HS6ST3: variants seen among roughly 807,000 people sequenced by gnomAD.
HS6ST3 encodes the protein heparan-sulfate 6-O-sulfotransferase 3.
HS6ST3 carries 12 observed loss-of-function variants against 36.7 expected under a neutral mutation model. The observed-to-expected ratio is 0.33, with a 90% CI of 0.21 to 0.53. The LOEUF is 0.53. Among genes scored for constraint, HS6ST3 ranks in the 20% least tolerant of loss-of-function variants. The probability of loss-of-function intolerance (pLI) is 0.95; values close to 1 mark genes in which losing one functional copy is unlikely to be tolerated. For missense variants in HS6ST3, 584 were observed against 640.9 expected (o/e 0.91, Z 0.96); for synonymous variants, 240 against 257.5 (o/e 0.93, Z 0.65).
intron 1 of HS6ST3, among the ~76,000 whole-genome samples, chr13:96,357,807 C>T (rs1208288688): frequency 6.6e-6 from 1 of 152,116 alleles, no homozygotes; most frequent in Non-Finnish European, 1.5e-5. Flanking sequence ...CAGACGTGAG[C>T]CATTGCAGCT....
chr13:96,602,545 A>C (rs759299794), intron 1 of HS6ST3, among the ~76,000 whole-genome samples: 2 of 152,186 alleles, frequency 1.3e-5, no homozygotes, highest in Non-Finnish European at 2.9e-5. Flanking sequence ...GTGCAGCACT[A>C]TCAGAAGCCT....
At chr13:96,505,686 T>A (rs2056023383) in intron 1 of HS6ST3, among the ~76,000 whole-genome samples, 1 of 152,146 alleles carries the variant, frequency 6.6e-6, no homozygotes, top group African/African-American at 2.4e-5. Flanking sequence ...TTCTAGTTAT[T>A]TGATGAAGGA....
intron 1 of HS6ST3, among the ~76,000 whole-genome samples, chr13:96,432,972 C>T (rs1312428080): frequency 6.6e-6 from 1 of 152,110 alleles, no homozygotes; most frequent in Non-Finnish European, 1.5e-5. Context: ...TGGTAATTTT[C>T]CCTCTCATCT....
chr13:96,712,403 A>G (rs1875583048), intron 1 of HS6ST3, among the ~76,000 whole-genome samples: 1 of 152,176 alleles, frequency 6.6e-6, no homozygotes, highest in South Asian at 2.1e-4. Context: ...GAGCTATGGA[A>G]TGAGTTTCAT....
chr13:96,435,604 G>A (rs1317823108), intron 1 of HS6ST3, among the ~76,000 whole-genome samples: 6 of 152,136 alleles, frequency 3.9e-5, no homozygotes, highest in South Asian at 4.1e-4. Context: ...GAAGGGGAGC[G>A]ACAAGCATAG....
chr13:96,274,588 G>A (rs1406893241), intron 1 of HS6ST3, among the ~76,000 whole-genome samples: 3 of 151,844 alleles, frequency 2.0e-5, no homozygotes, highest in Non-Finnish European at 4.4e-5. Flanking sequence ...TATTTTCTTT[G>A]GTGATTTCTT....
intron 1 of HS6ST3, among the ~76,000 whole-genome samples, chr13:96,641,388 G>A (rs1457062342): frequency 6.6e-6 from 1 of 151,376 alleles, no homozygotes; most frequent in East Asian, 1.9e-4. Context: ...TTTTTATACT[G>A]GAGTTATTTA....
chr13:96,266,370 T>G (rs1343686515), intron 1 of HS6ST3, among the ~76,000 whole-genome samples: 1 of 152,136 alleles, frequency 6.6e-6, no homozygotes, highest in Non-Finnish European at 1.5e-5. Context: ...AAAGGGAATG[T>G]GAGGTTGGGT....
chr13:96,252,605 G>A (rs1206915713), intron 1 of HS6ST3, among the ~76,000 whole-genome samples: 9 of 152,254 alleles, frequency 5.9e-5, no homozygotes, highest in South Asian at 4.1e-4. Context: ...GCTCAGATAC[G>A]CACTTTTGTT....
intron 1 of HS6ST3, among the ~76,000 whole-genome samples, chr13:96,241,733 G>A (rs2054561139): frequency 6.7e-6 from 1 of 148,858 alleles, no homozygotes; most frequent in Non-Finnish European, 1.5e-5. Context: ...AAGTAGAACA[G>A]AATTATGAGC....
At chr13:96,781,265 G>A (rs1566452259) in intron 1 of HS6ST3, among the ~76,000 whole-genome samples, 3 of 152,186 alleles carry the variant, frequency 2.0e-5, no homozygotes, top group African/African-American at 7.2e-5. Context: ...GTGTGAATTA[G>A]GGAAAGGCAC....
At chr13:96,316,924 CT>C (rs1198402059) in intron 1 of HS6ST3, among the ~76,000 whole-genome samples, 12 of 152,222 alleles carry the variant, frequency 7.9e-5, no homozygotes, top group African/African-American at 2.9e-4. Context: ...CTATAAGCGC[CT>C]TCCACACTGA....
intron 1 of HS6ST3, among the ~76,000 whole-genome samples, chr13:96,431,265 A>AAAT (rs1566359246): frequency 0.01 from 1,513 of 148,554 alleles, 33 homozygotes; most frequent in African/African-American, 0.038. Flanking sequence ...CAAATAAACC[A>AAAT]AAACCAAAAC....
chr13:96,127,234 A>G (rs986968514), intron 1 of HS6ST3, among the ~76,000 whole-genome samples: 2 of 152,144 alleles, frequency 1.3e-5, no homozygotes, highest in Non-Finnish European at 2.9e-5. Flanking sequence ...CCATTCTTCT[A>G]TGTCAGTGGT....
chr13:96,393,279 G>T (rs1044085148), intron 1 of HS6ST3, among the ~76,000 whole-genome samples: 2 of 152,164 alleles, frequency 1.3e-5, no homozygotes, highest in Non-Finnish European at 2.9e-5. Context: ...TGGGCTTGCT[G>T]TGTGAAGAAT....
rs1186375363 is a variant in HS6ST3, at chr13:96,091,122, C to T, written c.260C>T (p.Ala87Val). Residue 87 changes from alanine (A) to valine (V), a missense_variant, in exon 1 of 2, where the codon GCG (alanine) becomes GTG (valine). Transcript: ENST00000376705. ...GPPEGPRGAA[A>V]PEEEDEEPGD... is the part of the protein sequence containing the mutation. ...CCCGAGGGACCTCGGGGGGCCGCGG[C>T]GCCGGAGGAGGAGGACGAGGAGCCC... 11 of 1,435,286 alleles carry T rather than the reference C, an allele frequency of 7.7e-6. No homozygotes were observed. In the South Asian group the frequency reaches 1.5e-4, roughly 19 times the overall value. The allele number at this position is 1,435,286 out of a possible 1,614,324, so 88.9% of individuals were successfully genotyped here.
At chr13:96,656,984 TGTGTGTGTGTGTGTGA>T (rs2056627633) in intron 1 of HS6ST3, among the ~76,000 whole-genome samples, 1 of 136,154 alleles carries the variant, frequency 7.3e-6, no homozygotes, top group Non-Finnish European at 1.6e-5. Context: ...TGTGTGTGTG[TGTGTGTGTGTGTGTGA>T]GAGAGAGAGA....
chr13:96,527,464 C>T (rs2056118808), intron 1 of HS6ST3, among the ~76,000 whole-genome samples: 1 of 152,126 alleles, frequency 6.6e-6, no homozygotes, highest in South Asian at 2.1e-4. Context: ...GGGAAGCAGA[C>T]AATTCACAAA....
intron 1 of HS6ST3, among the ~76,000 whole-genome samples, chr13:96,513,773 A>T: frequency 6.6e-6 from 1 of 152,158 alleles, no homozygotes; most frequent in East Asian, 1.9e-4. Context: ...ACACAAACTA[A>T]GGTAAGAGGA....
Sources: gnomAD v4.1 joint callset for allele counts (sites outside exome capture counted in the v4.1 genomes callset) on GRCh38, gnomAD v4.1.1 for gene constraint, MANE v1.5 for transcripts, NCBI Gene and HGNC (gene_info 2026-07-23, HGNC 2026-07-21) for gene names.